The following ANKS1A variants were observed in gnomAD, a reference collection of about 807,000 sequenced individuals.
ANKS1A encodes the protein ankyrin repeat and SAM domain-containing protein 1A.
Under a neutral mutation model 120.3 loss-of-function variants are expected in ANKS1A, and 55 were observed. The ratio of observed to expected loss-of-function variants is 0.46; its 90% CI spans 0.37 to 0.57. The LOEUF (loss-of-function observed/expected upper bound fraction) is 0.57. ANKS1A is among the 20% of genes least tolerant of loss of function. The probability of loss-of-function intolerance (pLI) is 0.00; values close to 1 mark genes in which losing one functional copy is unlikely to be tolerated. For synonymous variants in ANKS1A, 590 were observed against 604.7 expected, an observed-to-expected ratio of 0.98 and a Z score of 0.36; for missense variants, 1,123 against 1,480.3, an observed-to-expected ratio of 0.76 and a Z score of 3.96.
rs1449445009 is a variant in ANKS1A, at chr6:35,090,815, T to G, written c.*2206T>G. On this transcript the variant is annotated 3_prime_UTR_variant, in exon 24 of 24. Coordinates refer to ENST00000360359, the MANE Select transcript of ANKS1A (RefSeq NM_015245.3). Reference sequence around the variant, plus strand: ...GAAGGAGCCCATTCGGGTGGGAGACTTCAGATGGGCTCAGTACCTGTCCCA... The same window carrying G: ...GAAGGAGCCCATTCGGGTGGGAGACGTCAGATGGGCTCAGTACCTGTCCCA... 2 of 985,916 alleles carry G rather than the reference T, an allele frequency of 2.0e-6. No homozygotes were observed. Among genetic ancestry groups the G allele is most frequent in the Non-Finnish European group, 1.2e-6 (1 of 830,330 alleles). The allele number at this position is 985,916 out of a possible 1,614,324, so 61.1% of individuals were successfully genotyped here.
At chr6:34,932,140 A>G (rs1168375628) in intron 1 of ANKS1A, among the ~76,000 whole-genome samples, 1 of 152,158 alleles carries the variant, frequency 6.6e-6, no homozygotes, top group Non-Finnish European at 1.5e-5. Context: ...TGCCTTGGAC[A>G]GAGTAATTTT....
At chr6:34,939,071 C>G (rs1228375408) in intron 1 of ANKS1A, among the ~76,000 whole-genome samples, 1 of 151,868 alleles carries the variant, frequency 6.6e-6, no homozygotes, top group Admixed American at 6.6e-5. Flanking sequence ...CTTGACTGTC[C>G]TAATAATTAT....
intron 13 of ANKS1A, among the ~76,000 whole-genome samples, chr6:35,069,438 C>T (rs1417336632): frequency 1.3e-5 from 2 of 152,006 alleles, no homozygotes; most frequent in Non-Finnish European, 2.9e-5. Context: ...TATTCTCCTC[C>T]GTCAAATGGG....
chr6:34,919,192 T>G lies in ANKS1A; in HGVS notation c.197+29593T>G, dbSNP rs1403232525. On this transcript the variant is annotated intron_variant, in intron 1 of 23. Transcript: ENST00000360359. Reference sequence around the variant, plus strand: ...AGACTTGATCCTGAAAAAGTTTTAGTTGTGGTTGGTAAACCACAATGTTTG... The same window carrying G: ...AGACTTGATCCTGAAAAAGTTTTAGGTGTGGTTGGTAAACCACAATGTTTG... 2.6e-5 allele frequency among the ~76,000 whole-genome samples: 4 copies of G among 152,350 alleles called. No individual in the cohort carries two copies. In the East Asian group the frequency reaches 7.7e-4, roughly 29 times the overall value.
intron 1 of ANKS1A, among the ~76,000 whole-genome samples, chr6:34,923,651 T>A (rs919399780): frequency 6.6e-6 from 1 of 152,152 alleles, no homozygotes; most frequent in Non-Finnish European, 1.5e-5. Context: ...TGTATAGTTT[T>A]AAACTCAGGT....
chr6:35,026,584 G>C (rs1289401891), intron 11 of ANKS1A, among the ~76,000 whole-genome samples: 1 of 152,106 alleles, frequency 6.6e-6, no homozygotes, highest in Non-Finnish European at 1.5e-5. Context: ...TGGGAGGATT[G>C]CTGCCGTTAG....
intron 1 of ANKS1A, among the ~76,000 whole-genome samples, chr6:34,922,882 C>T (rs540348247): frequency 1.8e-4 from 28 of 152,048 alleles, no homozygotes; most frequent in Admixed American, 1.3e-3. Flanking sequence ...TTAGTAGAGA[C>T]GGGGTTTCAC....
At chr6:35,046,292 C>T (rs767777199) in intron 11 of ANKS1A, among the ~76,000 whole-genome samples, 7 of 152,166 alleles carry the variant, frequency 4.6e-5, no homozygotes, top group African/African-American at 1.4e-4. Flanking sequence ...GCCCTTCACC[C>T]AGAAGGCTTT....
chr6:34,937,881 A>T (rs895683680), intron 1 of ANKS1A, among the ~76,000 whole-genome samples: 1 of 152,204 alleles, frequency 6.6e-6, no homozygotes, highest in African/African-American at 2.4e-5. Flanking sequence ...TACACCTCAT[A>T]GCCTTTACTG....
intron 1 of ANKS1A, among the ~76,000 whole-genome samples, chr6:34,914,703 C>A (rs1357877557): frequency 1.3e-5 from 2 of 152,144 alleles, no homozygotes; most frequent in Non-Finnish European, 2.9e-5. Flanking sequence ...CTTTGGGCTT[C>A]CTGTGTTATT....
intron 8 of ANKS1A, among the ~76,000 whole-genome samples, chr6:34,988,332 T>C (rs376050814): frequency 7.1e-4 from 108 of 152,330 alleles, no homozygotes; most frequent in East Asian, 5.4e-3. Context: ...CACGGTGGCT[T>C]ACGCCTGTAA....
chr6:34,991,523 C>G (rs1429255957), intron 9 of ANKS1A, among the ~76,000 whole-genome samples: 1 of 139,704 alleles, frequency 7.2e-6, no homozygotes, highest in Non-Finnish European at 1.5e-5. Context: ...TCCACATAGC[C>G]GGGAAAAAAA....
intron 3 of ANKS1A, among the ~76,000 whole-genome samples, chr6:34,978,061 C>T (rs536449865): frequency 6.6e-6 from 1 of 152,036 alleles, no homozygotes; most frequent in East Asian, 1.9e-4. Context: ...CAGGTTTAAG[C>T]GATTCTCCTG....
chr6:35,070,773 C>T (rs968161143), intron 13 of ANKS1A: 10 of 359,902 alleles, frequency 2.8e-5, no homozygotes, highest in African/African-American at 1.5e-4. Flanking sequence ...CGTGAGCCAC[C>T]GTGCACAGCC....
In ANKS1A at chr6:34,970,155, G is replaced by A; in HGVS notation, c.424G>A (p.Val142Ile). Residue 142 changes from valine to isoleucine, a missense_variant, in exon 3 of 24, where the codon GTC (valine) becomes ATC (isoleucine). Transcript: ENST00000360359. ...CCATCAAGGGCCTTCACACACCAGA[G>A]TCAATGAACAGGTCGGAAGGAAGGG... The part of the protein sequence containing the change: ...LIHQGPSHTR[V>I]NEQNNDNETA... The A allele has an allele frequency of 6.2e-7, 1 of 1,613,438 alleles. No homozygotes were observed. The highest frequency in any genetic ancestry group is 1.3e-5 in the African/African-American group (1 of 75,010).
At chr6:35,079,376 G>T in intron 14 of ANKS1A, 140 bp from the exon 15 acceptor site, 1 of 972,740 alleles carries the variant, frequency 1.0e-6, no homozygotes, top group Non-Finnish European at 1.5e-6. Context: ...GTGCGAAGTG[G>T]GGGGCTGGAA....
At chr6:35,055,957 GTT>G (rs1239342874) in intron 12 of ANKS1A, among the ~76,000 whole-genome samples, 2 of 152,218 alleles carry the variant, frequency 1.3e-5, no homozygotes, top group Non-Finnish European at 2.9e-5. Context: ...AGGGTCAAGT[GTT>G]TGCGGGAAAT....
intron 11 of ANKS1A, among the ~76,000 whole-genome samples, chr6:35,048,874 C>T (rs1315227585): frequency 1.3e-5 from 2 of 152,188 alleles, no homozygotes; most frequent in Non-Finnish European, 2.9e-5. Context: ...CAGCCCCCGG[C>T]TCCTGGGAAG....
At chr6:35,016,660 A>T (rs1035752484) in intron 10 of ANKS1A, among the ~76,000 whole-genome samples, 1 of 152,002 alleles carries the variant, frequency 6.6e-6, no homozygotes, top group African/African-American at 2.4e-5. Context: ...GTCTCCTGGC[A>T]TTGACAAATT....
Sources: allele counts gnomAD v4.1 joint callset (sites outside exome capture counted in the v4.1 genomes callset), GRCh38; gene constraint gnomAD v4.1.1; transcripts MANE v1.5; gene names NCBI Gene and HGNC (gene_info 2026-07-23, HGNC 2026-07-21).